The following DNAJA1 variants were observed in gnomAD, a reference collection of about 807,000 sequenced individuals.
DNAJA1 encodes DnaJ heat shock protein family (Hsp40) member A1.
In DNAJA1, 26 loss-of-function variants were observed where a neutral mutation model predicts 47.6. The observed-to-expected ratio is 0.55, with a 90% confidence interval of 0.40 to 0.76. DNAJA1 has a LOEUF of 0.76. Ranked by LOEUF, DNAJA1 falls within the 30% of genes least tolerant of loss-of-function variation. The pLI, the probability that DNAJA1 is intolerant of heterozygous loss-of-function variation, is 0.00. For synonymous variants in DNAJA1, 165 were observed against 158.4 expected, an observed-to-expected ratio of 1.04 and a Z score of -0.31; for missense variants, 315 against 485.0, an observed-to-expected ratio of 0.65 and a Z score of 3.29.
In DNAJA1 at chr9:33,038,894, G is replaced by T. The variant is rs746793842; in HGVS notation, c.1185G>T (p.Gln395His). 6.2e-7 allele frequency: 1 copy of T among 1,611,880 alleles called. No homozygotes were observed. Among genetic ancestry groups the T allele is most frequent in the South Asian group, 1.1e-5 (1 of 90,822 alleles). ...ATCCCAGAGGTGGTGTTCAGTGTCA[G>T]ACCTCTTAATGGGCCAGTGAATAAC... ...EHHPRGGVQC[Q>H]TS Residue 395 changes from glutamine to histidine, a missense_variant, in exon 9 of 9, where the codon CAG becomes CAT. Around this residue, in one of 4 missense-constraint regions of DNAJA1, gnomAD observed 162 missense variants for 185.4 expected, o/e 0.87. Transcript: ENST00000330899.
chr9:33,038,458 T>C (rs1839067812), intron 8 of DNAJA1, among the ~76,000 whole-genome samples: 1 of 152,222 alleles, frequency 6.6e-6, no homozygotes. Flanking sequence ...TGCAGTTTTA[T>C]TTAATACAAT....
At chr9:33,025,705 G>C (rs1037642245) in intron 1 of DNAJA1, among the ~76,000 whole-genome samples, 14 of 152,168 alleles carry the variant, frequency 9.2e-5, no homozygotes, top group African/African-American at 3.1e-4. Context: ...GGGTGGGGGG[G>C]GGGAGTGGGG....
intron 3 of DNAJA1, among the ~76,000 whole-genome samples, chr9:33,029,358 A>G (rs549278155): frequency 1.3e-5 from 2 of 152,352 alleles, no homozygotes; most frequent in South Asian, 2.1e-4. Context: ...GCTGTTTTCT[A>G]CTAAATCAGG....
rs1339075588 is a variant in DNAJA1 at position 33,039,827 on chromosome 9, T to TTA, written c.*924_*925insTA. 1 of 152,144 alleles carries TTA rather than the reference T, an allele frequency of 6.6e-6. No individual in the cohort carries two copies. Among genetic ancestry groups the TTA allele is most frequent in the Non-Finnish European group, 1.5e-5 (1 of 68,028 alleles). 9.4% of individuals were successfully genotyped at this position (152,144 alleles called of 1,614,324 possible). ...TGTTTAAAAGTCTCATATGTTCACA[T>TTA]GCTTAAATCTGGGTATCAGAATTTA... On this transcript the variant is annotated 3_prime_UTR_variant, in exon 9 of 9. Transcript: ENST00000330899.
chr9:33,030,057 G>A, intron 4 of DNAJA1, 68 bp downstream of exon 4: 1 of 1,419,572 alleles, frequency 7.0e-7, no homozygotes, highest in Non-Finnish European at 9.8e-7. Flanking sequence ...TGAAAATGGA[G>A]CTAAGACTTC....
chr9:33,030,075 A>G (rs1301759709), intron 4 of DNAJA1, 86 bp downstream of exon 4: 6 of 1,274,426 alleles, frequency 4.7e-6, no homozygotes, highest in African/African-American at 1.5e-5. Flanking sequence ...TTCTAGATAG[A>G]TATGTAAAAT....
chr9:33,034,839 G>A (rs985356078), intron 6 of DNAJA1, among the ~76,000 whole-genome samples: 20 of 152,136 alleles, frequency 1.3e-4, no homozygotes, highest in African/African-American at 4.6e-4. Flanking sequence ...AACAGCAAAT[G>A]TTTGTGATCC....
chr9:33,030,173 A>G (rs1409784126), intron 4 of DNAJA1, among the ~76,000 whole-genome samples, 184 bp downstream of exon 4: 1 of 152,214 alleles, frequency 6.6e-6, no homozygotes, highest in Non-Finnish European at 1.5e-5. Flanking sequence ...AAGAAATATC[A>G]GCACTTTTTT....
At chr9:33,025,804 C>T (rs1838819199) in intron 1 of DNAJA1, among the ~76,000 whole-genome samples, 1 of 152,214 alleles carries the variant, frequency 6.6e-6, no homozygotes, top group African/African-American at 2.4e-5. Context: ...GTTTCGCTTT[C>T]TCTGTTTCCC....
At chr9:33,025,711 TG>T (rs1838811319) in intron 1 of DNAJA1, among the ~76,000 whole-genome samples, 20 of 137,464 alleles carry the variant, frequency 1.5e-4, no homozygotes, top group African/African-American at 5.2e-4. Flanking sequence ...GGGGGGGGAG[TG>T]GGGTTGGCGA....
chr9:33,029,997 G>GTT lies in DNAJA1; in HGVS notation c.415+14_415+15dup, dbSNP rs747769515. On this transcript the variant is annotated intron_variant, in intron 4 of 8. Coordinates refer to ENST00000330899, the MANE Select transcript of DNAJA1 (RefSeq NM_001539.4). ...TTTGTGACAAATGTGAAGGTACGGT[G>GTT]TTTTTTTGTTTTGTTTTGTTTTGTT... 1 of 1,608,216 alleles carries GTT rather than the reference G, an allele frequency of 6.2e-7. No individual in the cohort carries two copies. Among genetic ancestry groups the GTT allele is most frequent in the South Asian group, 1.1e-5 (1 of 89,756 alleles).
rs1476201856 is a variant in DNAJA1, at chr9:33,039,099, G to A, written c.*196G>A. On this transcript the variant is annotated 3_prime_UTR_variant, in exon 9 of 9. Transcript: ENST00000330899. ...GCCCTGTATGTATGATGACTTCAGT[G>A]TGCAAGATGAAGTTTAATACCTGTA... The A allele has an allele frequency of 6.8e-6, 4 of 585,438 alleles. No homozygotes were observed. Among genetic ancestry groups the A allele is most frequent in the African/African-American group, 1.9e-5 (1 of 53,634 alleles). 36.3% of individuals were successfully genotyped at this position (585,438 alleles called of 1,614,324 possible). A position where few individuals can be genotyped will look rare whatever the true frequency, so the allele number is the denominator to read the frequency against.
chr9:33,036,587 C>T lies in DNAJA1; in HGVS notation c.772C>T (p.Leu258Phe). Residue 258 changes from leucine (L) to phenylalanine (F), a missense_variant, in exon 7 of 9, where the codon CTT becomes TTT. By Grantham distance (22) the Leu-to-Phe change is conservative. Around this residue, in one of 4 missense-constraint regions of DNAJA1, gnomAD observed 162 missense variants for 185.4 expected, o/e 0.87. Coordinates refer to ENST00000330899, the MANE Select transcript of DNAJA1 (RefSeq NM_001539.4). ...HAVFTRRGED[L>F]FMCMDIQLVE... is the part of the protein sequence containing the mutation. ...TATTTTATGCAGACGAGGAGAAGAC[C>T]TTTTCATGTGTATGGACATACAGCT... 1 of 1,608,990 alleles carries T rather than the reference C, an allele frequency of 6.2e-7. No homozygotes were observed. Among genetic ancestry groups the T allele is most frequent in the Non-Finnish European group, 8.5e-7 (1 of 1,177,572 alleles).
intron 5 of DNAJA1, 81 bp from the exon 6 acceptor site, chr9:33,034,131 TAAAC>T (rs971121948): frequency 2.2e-5 from 20 of 925,394 alleles, no homozygotes; most frequent in Middle Eastern, 3.4e-4. Flanking sequence ...TTTTTATGCA[TAAAC>T]AAACATCTAT....
At chr9:33,030,740 TA>T in intron 5 of DNAJA1, 73 bp downstream of exon 5, 1 of 1,279,534 alleles carries the variant, frequency 7.8e-7, no homozygotes, top group African/African-American at 1.5e-5. Flanking sequence ...TATAATTGTT[TA>T]AAAATCATTC....
intron 1 of DNAJA1, 28 bp from the exon 2 acceptor site, chr9:33,026,447 C>T (rs771580158): frequency 3.8e-6 from 6 of 1,586,834 alleles, no homozygotes; most frequent in Admixed American, 3.9e-5. Context: ...AGTTGAAAGC[C>T]GGTTAAAGTT....
chr9:33,028,888 G>A (rs1006753785), intron 3 of DNAJA1, among the ~76,000 whole-genome samples: 2 of 152,224 alleles, frequency 1.3e-5, no homozygotes, highest in Non-Finnish European at 1.5e-5. Context: ...TGATTAGAAA[G>A]TTAAAATGTT....
rs1412273327 is a variant in DNAJA1, at chr9:33,029,998, T to G, written c.415+9T>G. 6.2e-7 allele frequency: 1 copy of G among 1,607,402 alleles called. No individual in the cohort carries two copies. On this transcript the variant is annotated intron_variant, in intron 4 of 8. Transcript: ENST00000330899. ...TTGTGACAAATGTGAAGGTACGGTGTTTTTTTGTTTTGTTTTGTTTTGTTT... is the reference window on the plus strand; with the variant it reads ...TTGTGACAAATGTGAAGGTACGGTGGTTTTTTGTTTTGTTTTGTTTTGTTT...
At chr9:33,034,951 C>T (rs1839011332) in intron 6 of DNAJA1, among the ~76,000 whole-genome samples, 1 of 150,650 alleles carries the variant, frequency 6.6e-6, no homozygotes, top group African/African-American at 2.4e-5. Context: ...ACTGGGGAGG[C>T]TGAGGCAGAA....
Sources: allele counts gnomAD v4.1 joint callset (sites outside exome capture counted in the v4.1 genomes callset), GRCh38; gene constraint gnomAD v4.1.1; regional missense constraint gnomAD v4.1.1; transcripts MANE v1.5; gene names NCBI Gene and HGNC (gene_info 2026-07-23, HGNC 2026-07-21).